Variants in ZNF22 observed in about 807,000 individuals in gnomAD.
ZNF22 encodes the protein krox-26 protein.
Under a neutral mutation model 17.0 loss-of-function variants are expected in ZNF22, and 15 were observed. That is an observed-to-expected ratio of 0.88 (90% CI 0.59 to 1.36). The LOEUF is 1.36. Among genes scored for constraint, ZNF22 ranks in the 40% most tolerant of loss-of-function variants. ZNF22 has a pLI of 0.00. For synonymous variants in ZNF22, 84 were observed against 90.7 expected (o/e 0.93, Z 0.42); for missense variants, 272 against 276.1 (o/e 0.98, Z 0.11).
intron 1 of ZNF22, chr10:45,002,103 TGAAAG>T (rs1318470885): frequency 6.6e-6 from 1 of 152,208 alleles, no homozygotes; most frequent in African/African-American, 2.4e-5. Context: ...TACAATAAGA[TGAAAG>T]GAAGGCAAGA....
chr10:45,002,092 A>T (rs998517062), intron 1 of ZNF22: 4 of 152,254 alleles, frequency 2.6e-5, no homozygotes, highest in Non-Finnish European at 5.9e-5. Context: ...AGTCTCAATT[A>T]TACAATAAGA....
Position 45,004,778 on chromosome 10 carries a change from TAG to T in ZNF22, c.*738_*739del, listed in dbSNP as rs1346654793. 6.0e-6 allele frequency: 1 copy of T among 167,116 alleles called. No homozygotes were observed. Among genetic ancestry groups the T allele is most frequent in the East Asian group, 1.9e-4 (1 of 5,204 alleles). The allele number at this position is 167,116 out of a possible 1,614,324, so 10.4% of individuals were successfully genotyped here. A position where few individuals can be genotyped will look rare whatever the true frequency, so the allele number is the denominator to read the frequency against. ...ACCTCAAGTCTTCTATTCCTACTAA[TAG>T]AGTTCTTTGTGATGGTAACTGCTGT... On this transcript the variant is annotated 3_prime_UTR_variant, in exon 2 of 2. Coordinates refer to ENST00000298299, the MANE Select transcript of ZNF22 (RefSeq NM_006963.5).
chr10:45,003,255 A>G (rs1842347604), intron 1 of ZNF22, 25 bp from the exon 2 acceptor site: 1 of 990,128 alleles, frequency 1.0e-6, no homozygotes, highest in Non-Finnish European at 1.4e-6. Context: ...GATCATCTCT[A>G]AATTTTTTTT....
In ZNF22 at chr10:45,003,718, G is replaced by A. The variant is rs1842352079; in HGVS notation, c.350G>A (p.Gly117Glu). 6.2e-7 allele frequency: 1 copy of A among 1,614,056 alleles called. No individual in the cohort carries two copies. Among genetic ancestry groups the A allele is most frequent in the Non-Finnish European group, 8.5e-7 (1 of 1,180,052 alleles). Residue 117 changes from glycine to glutamate, a missense_variant, in exon 2 of 2, where the codon GGA (glycine) becomes GAA (glutamate). By Grantham distance (98) the Gly-to-Glu change is moderately conservative. Coordinates refer to ENST00000298299, the MANE Select transcript of ZNF22 (RefSeq NM_006963.5). ...AAGCCCTACAAATGTGATGAGTGTG[G>A]AGAAAGCTTCAAACAGAGCTCAAAT... ...GEKPYKCDEC[G>E]ESFKQSSNLI...
In ZNF22 at chr10:45,004,157, G is replaced by C; in HGVS notation, c.*114G>C. 1 of 1,144,702 alleles carries C rather than the reference G, an allele frequency of 8.7e-7. No individual in the cohort carries two copies. The highest frequency in any genetic ancestry group is 1.2e-6 in the Non-Finnish European group (1 of 830,234). The allele number at this position is 1,144,702 out of a possible 1,614,324, so 70.9% of individuals were successfully genotyped here. A position where few individuals can be genotyped will look rare whatever the true frequency, so the allele number is the denominator to read the frequency against. Reference sequence around the variant, plus strand: ...CTTTATAGTAGATCACTTAAATACTGGATCTTTTGCTAGTGTGAAAACATT... The same window carrying C: ...CTTTATAGTAGATCACTTAAATACTCGATCTTTTGCTAGTGTGAAAACATT... On this transcript the variant is annotated 3_prime_UTR_variant, in exon 2 of 2. Coordinates refer to ENST00000298299, the MANE Select transcript of ZNF22 (RefSeq NM_006963.5).
Position 45,003,461 on chromosome 10 carries a change from G to A in ZNF22, c.93G>A (p.Gln31=), listed in dbSNP as rs188012564. 1.5e-5 allele frequency: 24 copies of A among 1,614,266 alleles called. No individual in the cohort carries two copies. The East Asian group carries it at 4.7e-4, about 31-fold the overall frequency. The change falls in exon 2 of 2, where the codon CAG becomes CAA. Residue 31 remains glutamine, a synonymous_variant. Transcript: ENST00000298299. ...ENKRKTGRQR[Q]KWGMTIRFDS... ...AGCGCAAAACAGGCCGGCAGCGGCAGAAGTGGGGCATGACTATTCGATTTG... is the reference window on the plus strand; with the variant it reads ...AGCGCAAAACAGGCCGGCAGCGGCAAAAGTGGGGCATGACTATTCGATTTG...
chr10:45,003,978 G>T lies in ZNF22; in HGVS notation c.610G>T (p.Val204Leu). ...TAAAACCCGGGGCAAAAATATCAGGGTGAAGACTCACTTACCCTCTTGGAA... is the reference window on the plus strand; with the variant it reads ...TAAAACCCGGGGCAAAAATATCAGGTTGAAGACTCACTTACCCTCTTGGAA... ...PRKTRGKNIR[V>L]KTHLPSWKAG... The change falls in exon 2 of 2, where the codon GTG (valine) becomes TTG (leucine). Residue 204 changes from valine to leucine, a missense_variant. Physicochemically the swap from Val to Leu is conservative, Grantham distance 32. Coordinates refer to ENST00000298299, the MANE Select transcript of ZNF22 (RefSeq NM_006963.5). 6.2e-7 allele frequency: 1 copy of T among 1,614,116 alleles called. No homozygotes were observed. Among genetic ancestry groups the T allele is most frequent in the Middle Eastern group, 1.6e-4 (1 of 6,062 alleles).
chr10:45,004,293 C>T lies in ZNF22; in HGVS notation c.*250C>T. On this transcript the variant is annotated 3_prime_UTR_variant, in exon 2 of 2. Transcript: ENST00000298299. The stretch of plus-strand genomic sequence containing the variant: ...GAACTGAAAATATGTTTTGAGGGAG[C>T]ATGACATCCTTGACCTCATTTGAAA... 2 of 413,594 alleles carry T rather than the reference C, an allele frequency of 4.8e-6. No individual in the cohort carries two copies. Among genetic ancestry groups the T allele is most frequent in the South Asian group, 6.2e-5 (1 of 16,158 alleles). 25.6% of individuals were successfully genotyped at this position (413,594 alleles called of 1,614,324 possible). A position where few individuals can be genotyped will look rare whatever the true frequency, so the allele number is the denominator to read the frequency against.
chr10:45,001,196 T>C (rs1458021622), intron 1 of ZNF22, among the ~76,000 whole-genome samples: 1 of 149,358 alleles, frequency 6.7e-6, no homozygotes, highest in Non-Finnish European at 1.5e-5. Flanking sequence ...GCCGGGTCAA[T>C]GAGGAGCGGC....
At position 45,003,276 on chromosome 10, in the gene ZNF22, A is replaced by G; in HGVS notation, c.-89-4A>G. 1 of 1,294,194 alleles carries G rather than the reference A, an allele frequency of 7.7e-7. No individual in the cohort carries two copies. The highest frequency in any genetic ancestry group is 1.0e-6 in the Non-Finnish European group (1 of 960,034). 80.2% of individuals were successfully genotyped at this position (1,294,194 alleles called of 1,614,324 possible). A position where few individuals can be genotyped will look rare whatever the true frequency, so the allele number is the denominator to read the frequency against. ...CTCTAAATTTTTTTTCCTTCTACACACAGAAAATTCTGAGCTGTACACCTC... is the reference window on the plus strand; with the variant it reads ...CTCTAAATTTTTTTTCCTTCTACACGCAGAAAATTCTGAGCTGTACACCTC... On this transcript the variant is annotated splice_region_variant and splice_polypyrimidine_tract_variant and intron_variant, in intron 1 of 1. Transcript: ENST00000298299.
At chr10:45,001,755 A>C (rs1227831742) in intron 1 of ZNF22, among the ~76,000 whole-genome samples, 1 of 152,220 alleles carries the variant, frequency 6.6e-6, no homozygotes, top group Non-Finnish European at 1.5e-5. Flanking sequence ...CAAGTTACAC[A>C]GTGTCTGGCA....
intron 1 of ZNF22, among the ~76,000 whole-genome samples, chr10:45,001,958 T>C (rs1842337253): frequency 6.6e-6 from 1 of 152,102 alleles, no homozygotes; most frequent in Admixed American, 6.5e-5. Context: ...TCTGTAAATA[T>C]TTGCTTAAGT....
chr10:45,001,320 C>T (rs1478863855), intron 1 of ZNF22, among the ~76,000 whole-genome samples: 4 of 152,112 alleles, frequency 2.6e-5, no homozygotes, highest in African/African-American at 7.2e-5. Flanking sequence ...TCGCTCGGAG[C>T]GTTCGAGGAC....
At chr10:45,003,072 T>G (rs1426205226) in intron 1 of ZNF22, 1 of 254,740 alleles carries the variant, frequency 3.9e-6, no homozygotes, top group African/African-American at 2.2e-5. Flanking sequence ...TGATATTTGT[T>G]AAGCTTAAAC....
intron 1 of ZNF22, among the ~76,000 whole-genome samples, chr10:45,001,768 T>TA (rs950685524): frequency 6.6e-6 from 1 of 152,188 alleles, no homozygotes; most frequent in African/African-American, 2.4e-5. Context: ...GTCTGGCACA[T>TA]ACTAGTATGA....
At chr10:45,001,605 A>G (rs1842333572) in intron 1 of ZNF22, among the ~76,000 whole-genome samples, 1 of 152,176 alleles carries the variant, frequency 6.6e-6, no homozygotes, top group South Asian at 2.1e-4. Flanking sequence ...GGCTGCCACT[A>G]AGAGTACAGG....
rs1167278111 is a variant in ZNF22, at chr10:45,000,969, G to T, written c.-99G>T. The T allele has an allele frequency of 9.5e-6, 8 of 844,200 alleles. No individual in the cohort carries two copies. The Admixed American group carries it at 1.5e-4, about 16-fold the overall frequency. The allele number at this position is 844,200 out of a possible 1,614,324, so 52.3% of individuals were successfully genotyped here. On this transcript the variant is annotated 5_prime_UTR_variant, in exon 1 of 2. Coordinates refer to ENST00000298299, the MANE Select transcript of ZNF22 (RefSeq NM_006963.5). Reference sequence around the variant, plus strand: ...GCCCAGCGAGCCAGAGTGGTGGCTGGTCCCGCGCGGTGAGTGGGATTGGGG... The same window carrying T: ...GCCCAGCGAGCCAGAGTGGTGGCTGTTCCCGCGCGGTGAGTGGGATTGGGG...
intron 1 of ZNF22, among the ~76,000 whole-genome samples, 198 bp downstream of exon 1, chr10:45,001,176 C>T (rs1842326458): frequency 6.7e-6 from 1 of 150,242 alleles, no homozygotes; most frequent in South Asian, 2.1e-4. Context: ...GCGGCCTGCG[C>T]GGCGGGCGGG....
chr10:45,001,756 G>C (rs1350005220), intron 1 of ZNF22, among the ~76,000 whole-genome samples: 1 of 152,194 alleles, frequency 6.6e-6, no homozygotes, highest in Non-Finnish European at 1.5e-5. Context: ...AAGTTACACA[G>C]TGTCTGGCAC....
Sources: allele counts gnomAD v4.1 joint callset (sites outside exome capture counted in the v4.1 genomes callset), GRCh38; gene constraint gnomAD v4.1.1; transcripts MANE v1.5; gene names NCBI Gene and HGNC (gene_info 2026-07-23, HGNC 2026-07-21).